The following FSTL5 variants were observed in gnomAD, a reference collection of about 807,000 sequenced individuals.
FSTL5 encodes the protein follistatin-related protein 5.
In FSTL5, 62 loss-of-function variants were observed where a neutral mutation model predicts 89.1. The observed-to-expected ratio is 0.70, with a 90% CI of 0.57 to 0.86. The LOEUF (loss-of-function observed/expected upper bound fraction) is 0.86, where lower values mean the gene tolerates loss of function less well. Among genes scored for constraint, FSTL5 ranks in the 40% least tolerant of loss-of-function variants. The pLI, the probability that FSTL5 is intolerant of heterozygous loss-of-function variation, is 0.00. For missense variants in FSTL5, 1,057 were observed against 1,001.6 expected (o/e 1.06, Z -0.75); for synonymous variants, 383 against 346.2 (o/e 1.11, Z -1.18).
chr4:161,524,876 T>C (rs1731161818), intron 10 of FSTL5, among the ~76,000 whole-genome samples: 1 of 151,582 alleles, frequency 6.6e-6, no homozygotes. Context: ...GAGAACCTCT[T>C]GAACCTGGGA....
At chr4:161,417,995 T>C (rs1289915058) in intron 15 of FSTL5, among the ~76,000 whole-genome samples, 1 of 152,140 alleles carries the variant, frequency 6.6e-6, no homozygotes, top group Non-Finnish European at 1.5e-5. Flanking sequence ...CATTATAAGA[T>C]TGATGAGAAA....
At chr4:161,624,930 A>G (rs1578976805) in intron 7 of FSTL5, among the ~76,000 whole-genome samples, 1 of 152,280 alleles carries the variant, frequency 6.6e-6, no homozygotes, top group East Asian at 1.9e-4. Context: ...AGCCGGTGCT[A>G]CAGTGAACAA....
At chr4:161,741,503 C>G (rs1047613767) in intron 6 of FSTL5, among the ~76,000 whole-genome samples, 3 of 152,032 alleles carry the variant, frequency 2.0e-5, no homozygotes, top group Non-Finnish European at 2.9e-5. Context: ...ACCTAAAGGC[C>G]TCTAAGTTAA....
intron 4 of FSTL5, among the ~76,000 whole-genome samples, chr4:161,833,407 C>A (rs1243271484): frequency 7.1e-6 from 1 of 141,776 alleles, no homozygotes; most frequent in Non-Finnish European, 1.6e-5. Flanking sequence ...CCTCTTGGTG[C>A]AGAGCTGAGT....
intron 4 of FSTL5, among the ~76,000 whole-genome samples, chr4:161,797,554 A>T (rs553944909): frequency 6.6e-6 from 1 of 151,626 alleles, no homozygotes; most frequent in African/African-American, 2.4e-5. Context: ...CAAAATTAGA[A>T]ATTGAAATAT....
At chr4:161,886,037 AT>A (rs1458793490) in intron 4 of FSTL5, among the ~76,000 whole-genome samples, 4 of 148,382 alleles carry the variant, frequency 2.7e-5, no homozygotes, top group Non-Finnish European at 6.0e-5. Flanking sequence ...TTAAAAAAAA[AT>A]AAAAAGAAGG....
intron 4 of FSTL5, among the ~76,000 whole-genome samples, chr4:161,902,575 C>T (rs1435495924): frequency 6.6e-6 from 1 of 152,030 alleles, no homozygotes; most frequent in Non-Finnish European, 1.5e-5. Flanking sequence ...CCACCGGGCA[C>T]GGTGGCTCAC....
intron 11 of FSTL5, among the ~76,000 whole-genome samples, chr4:161,505,380 T>C (rs1730442590): frequency 6.6e-6 from 1 of 152,170 alleles, no homozygotes; most frequent in South Asian, 2.1e-4. Context: ...TGCTTATCCT[T>C]TCATTCTTGC....
chr4:161,552,833 G>C (rs1039472391), intron 8 of FSTL5, among the ~76,000 whole-genome samples: 11 of 151,576 alleles, frequency 7.3e-5, no homozygotes, highest in Admixed American at 4.0e-4. Flanking sequence ...CTTTTCCCAG[G>C]ATACATATTA....
At chr4:162,095,993 T>C (rs1579023555) in intron 2 of FSTL5, among the ~76,000 whole-genome samples, 1 of 152,060 alleles carries the variant, frequency 6.6e-6, no homozygotes, top group East Asian at 1.9e-4. Context: ...TACCCGATTG[T>C]AGCAACCCAG....
chr4:162,094,580 AAAAAT>A (rs1471304754), intron 2 of FSTL5, among the ~76,000 whole-genome samples: 1 of 152,194 alleles, frequency 6.6e-6, no homozygotes, highest in Non-Finnish European at 1.5e-5. Context: ...GTATTAAGCA[AAAAAT>A]AAAATAAAAA....
intron 8 of FSTL5, among the ~76,000 whole-genome samples, chr4:161,549,579 T>C (rs1732130004): frequency 1.3e-5 from 2 of 152,010 alleles, no homozygotes; most frequent in South Asian, 2.1e-4. Context: ...AAAATGGCCA[T>C]GAGAGTATAT....
intron 15 of FSTL5, among the ~76,000 whole-genome samples, chr4:161,412,793 C>T (rs760784442): frequency 6.6e-5 from 10 of 152,010 alleles, no homozygotes; most frequent in African/African-American, 2.4e-4. Flanking sequence ...TTCAACAAGG[C>T]CAAGAAAACA....
At chr4:162,067,715 G>A (rs1275848732) in intron 2 of FSTL5, among the ~76,000 whole-genome samples, 1 of 152,044 alleles carries the variant, frequency 6.6e-6, no homozygotes, top group Admixed American at 6.6e-5. Flanking sequence ...TCAGGCAAAA[G>A]AAAGAAATAA....
intron 10 of FSTL5, among the ~76,000 whole-genome samples, chr4:161,511,781 A>G (rs1188663209): frequency 1.3e-5 from 2 of 152,082 alleles, no homozygotes; most frequent in Non-Finnish European, 2.9e-5. Flanking sequence ...TAATAAATGA[A>G]AGGGAAGAAG....
Position 161,945,978 on chromosome 4 carries a change from G to C in FSTL5, c.161-25326C>G, listed in dbSNP as rs181282760. 2.5e-3 allele frequency among the ~76,000 whole-genome samples: 373 copies of C among 152,048 alleles called. 5 individuals are homozygous for C. The South Asian group carries it at 0.027, about 11-fold the overall frequency. ...TAATTATAATTTAAATTTTCCTAAT[G>C]ATCTTCTTCTGGTTCTGACCAACAA... On this transcript the variant is annotated intron_variant, in intron 3 of 15. Transcript: ENST00000306100.
Position 161,852,491 on chromosome 4 carries a change from G to C in FSTL5, c.409+67913C>G, listed in dbSNP as rs547368770. Among the ~76,000 whole-genome samples the C allele has an allele frequency of 2.0e-5, 3 of 152,306 alleles. No homozygotes were observed. In the East Asian group the frequency reaches 5.8e-4, roughly 29 times the overall value. ...TTCTGGTGAAGTGGTGGAGACTAAG[G>C]AATGGTTTTACACTGTTGGTGGGAG... On this transcript the variant is annotated intron_variant, in intron 4 of 15. Transcript: ENST00000306100.
intron 7 of FSTL5, among the ~76,000 whole-genome samples, chr4:161,612,195 C>T (rs1734678038): frequency 1.3e-5 from 2 of 152,028 alleles, no homozygotes; most frequent in Admixed American, 6.5e-5. Flanking sequence ...TTTAACATTA[C>T]TTTAGAATAA....
At chr4:161,790,323 C>T (rs1216179236) in intron 4 of FSTL5, among the ~76,000 whole-genome samples, 1 of 152,194 alleles carries the variant, frequency 6.6e-6, no homozygotes, top group East Asian at 1.9e-4. Context: ...AACATGGGTA[C>T]AAAGCTATGG....
Sources: gnomAD v4.1 joint callset for allele counts (sites outside exome capture counted in the v4.1 genomes callset) on GRCh38, gnomAD v4.1.1 for gene constraint, MANE v1.5 for transcripts, NCBI Gene and HGNC (gene_info 2026-07-23, HGNC 2026-07-21) for gene names.